NBN: variants seen among roughly 807,000 people sequenced by gnomAD.
The protein encoded by NBN is nibrin.
Under a neutral mutation model 90.8 loss-of-function variants are expected in NBN, and 88 were observed. The ratio of observed to expected loss-of-function variants is 0.97; its 90% CI spans 0.82 to 1.16. The LOEUF is 1.16. Ranked by LOEUF, NBN falls within the 50% of genes most tolerant of loss-of-function variation. The pLI is 0.00. For synonymous variants in NBN, 328 were observed against 295.1 expected (o/e 1.11, Z -1.14); for missense variants, 894 against 869.6 (o/e 1.03, Z -0.35).
intron 9 of NBN, among the ~76,000 whole-genome samples, chr8:89,956,654 T>A (rs1317772020): frequency 6.6e-6 from 1 of 152,218 alleles, no homozygotes. Context: ...GTTGAACAAT[T>A]CTTTCCAGTC....
chr8:89,961,149 T>C (rs1164033457), intron 8 of NBN, among the ~76,000 whole-genome samples: 1 of 152,200 alleles, frequency 6.6e-6, no homozygotes, highest in Non-Finnish European at 1.5e-5. Context: ...TTTCTCAGCC[T>C]TGGTATACCT....
chr8:89,965,100 C>T (rs1028527118), intron 7 of NBN, among the ~76,000 whole-genome samples: 11 of 150,810 alleles, frequency 7.3e-5, no homozygotes, highest in African/African-American at 2.0e-4. Context: ...GATGACAAAG[C>T]GAGACTCCGT....
chr8:89,942,892 C>A (rs574638922), intron 14 of NBN, among the ~76,000 whole-genome samples: 215 of 151,990 alleles, frequency 1.4e-3, no homozygotes, highest in Non-Finnish European at 2.6e-3. Flanking sequence ...AAACACAATC[C>A]CCAGATTTAA....
chr8:89,980,739 T>C lies in NBN; in HGVS notation c.475A>G (p.Ile159Val), dbSNP rs747319065. The part of the protein sequence containing the change: ...HLVMVSVKVT[I>V]KTICALICGR... ...GAACAAGACATTCAACCTACTTTAA[T>C]GGTAACTTTCACTGATACCATGACA... Residue 159 changes from isoleucine (I) to valine (V), a missense_variant, in exon 4 of 16, where the codon ATT becomes GTT. Coordinates refer to ENST00000265433, the MANE Select transcript of NBN (RefSeq NM_002485.5). 3 of 1,610,820 alleles carry C rather than the reference T, an allele frequency of 1.9e-6. No individual in the cohort carries two copies. Among genetic ancestry groups the C allele is most frequent in the South Asian group, 1.1e-5 (1 of 91,000 alleles).
intron 9 of NBN, 42 bp from the exon 10 acceptor site, chr8:89,955,597 A>ACAG (rs1467038383): frequency 6.3e-7 from 1 of 1,592,828 alleles, no homozygotes; most frequent in African/African-American, 1.3e-5. Flanking sequence ...AATCAAGTTT[A>ACAG]CAGCAACTTT....
intron 5 of NBN, among the ~76,000 whole-genome samples, chr8:89,975,277 G>A (rs528599670): frequency 3.3e-5 from 5 of 152,198 alleles, no homozygotes; most frequent in African/African-American, 7.2e-5. Flanking sequence ...ATTATAGTAT[G>A]CCTCCTAATT....
intron 13 of NBN, 107 bp from the exon 14 acceptor site, chr8:89,943,473 A>C: frequency 8.8e-7 from 1 of 1,135,412 alleles, no homozygotes. Context: ...TAAGTGCCAA[A>C]GATGTTTATA....
intron 7 of NBN, among the ~76,000 whole-genome samples, chr8:89,969,601 C>A (rs773597887): frequency 6.6e-6 from 1 of 152,166 alleles, no homozygotes; most frequent in Admixed American, 6.5e-5. Context: ...TATTCTATAT[C>A]TAATATACCA....
chr8:89,951,269 G>GCCA (rs1810434791), intron 11 of NBN, among the ~76,000 whole-genome samples: 1 of 132,892 alleles, frequency 7.5e-6, no homozygotes, highest in South Asian at 2.4e-4. Context: ...CGGAGATCAC[G>GCCA]CCACTGAACT....
intron 15 of NBN, chr8:89,936,087 CT>C (rs35393048): frequency 0.085 from 23,554 of 277,510 alleles, 277 homozygotes; most frequent in African/African-American, 0.19. Context: ...TCTGTCAACA[CT>C]TTTTTTTTTT....
At position 89,970,481 on chromosome 8, in the gene NBN, T is replaced by C. The variant is rs1328090653; in HGVS notation, c.779A>G (p.His260Arg). The part of the protein sequence containing the change: ...RLITEENEEE[H>R]NFFLAPGTCV... ...CGTTCCCGGAGCCAAAAAGAAATTA[T>C]GTTCTTCTTCATTCTCTTCTGTTAT... The change falls in exon 7 of 16, where the codon CAT becomes CGT. Residue 260 changes from histidine to arginine, a missense_variant. His to Arg is a conservative substitution (Grantham distance 29, BLOSUM62 0). Coordinates refer to ENST00000265433, the MANE Select transcript of NBN (RefSeq NM_002485.5). 6.2e-7 allele frequency: 1 copy of C among 1,613,918 alleles called. No individual in the cohort carries two copies. The highest frequency in any genetic ancestry group is 8.5e-7 in the Non-Finnish European group (1 of 1,179,816).
intron 7 of NBN, among the ~76,000 whole-genome samples, chr8:89,969,559 A>G (rs1486884075): frequency 6.6e-6 from 1 of 152,218 alleles, no homozygotes; most frequent in Non-Finnish European, 1.5e-5. Context: ...AAAGCATAAA[A>G]TATTTTTGAG....
rs1329972460 is a variant in NBN at position 89,958,867 on chromosome 8, C to G, written c.995-13G>C. On this transcript the variant is annotated splice_polypyrimidine_tract_variant and intron_variant, in intron 8 of 15. Transcript: ENST00000265433. Reference sequence around the variant, plus strand: ...GTTGTCTTTAATCCTGTAAATCACACAAGTAGAAAGAAAGAATCACAACTG... The same window carrying G: ...GTTGTCTTTAATCCTGTAAATCACAGAAGTAGAAAGAAAGAATCACAACTG... The G allele has an allele frequency of 6.2e-7, 1 of 1,613,158 alleles. No individual in the cohort carries two copies. Among genetic ancestry groups the G allele is most frequent in the Non-Finnish European group, 8.5e-7 (1 of 1,179,278 alleles).
intron 7 of NBN, among the ~76,000 whole-genome samples, chr8:89,966,427 T>A (rs6987873): frequency 0.33 from 50,723 of 152,048 alleles, 8,512 homozygotes; most frequent in East Asian, 0.45. Flanking sequence ...AAAGGTAATT[T>A]AAGTGACAAT....
intron 13 of NBN, among the ~76,000 whole-genome samples, chr8:89,943,967 T>C (rs1437538172): frequency 6.6e-6 from 1 of 152,198 alleles, no homozygotes; most frequent in Non-Finnish European, 1.5e-5. Context: ...AACAGTTCCT[T>C]AATATTTGTA....
chr8:89,947,367 A>G (rs950082755), intron 12 of NBN, among the ~76,000 whole-genome samples: 5 of 152,238 alleles, frequency 3.3e-5, no homozygotes, highest in African/African-American at 9.6e-5. Context: ...TGGTGGCTCA[A>G]GCCTGTAATC....
intron 10 of NBN, among the ~76,000 whole-genome samples, chr8:89,953,974 T>A (rs568604457): frequency 6.6e-6 from 1 of 151,978 alleles, no homozygotes; most frequent in Non-Finnish European, 1.5e-5. Context: ...CAGGAAAAGG[T>A]AGAAAAATAT....
intron 8 of NBN, among the ~76,000 whole-genome samples, chr8:89,962,649 A>G (rs926671152): frequency 6.6e-6 from 1 of 152,196 alleles, no homozygotes; most frequent in Non-Finnish European, 1.5e-5. Flanking sequence ...CGATTCCACC[A>G]AAATAAGTGA....
chr8:89,942,487 C>T (rs1809995683), intron 14 of NBN, among the ~76,000 whole-genome samples: 1 of 152,074 alleles, frequency 6.6e-6, no homozygotes, highest in Admixed American at 6.6e-5. Context: ...TCACAAAGCA[C>T]AAACTTGAAA....
Sources: allele counts gnomAD v4.1 joint callset (sites outside exome capture counted in the v4.1 genomes callset), GRCh38; gene constraint gnomAD v4.1.1; transcripts MANE v1.5; gene names NCBI Gene and HGNC (gene_info 2026-07-23, HGNC 2026-07-21).